The following TMEM161B variants were observed in gnomAD, a reference collection of about 807,000 sequenced individuals.
The protein encoded by TMEM161B is transmembrane protein 161B.
Under a neutral mutation model 61.8 loss-of-function variants are expected in TMEM161B, and 34 were observed. The observed-to-expected ratio is 0.55, with a 90% CI of 0.42 to 0.73. The LOEUF is 0.73. Among genes scored for constraint, TMEM161B ranks in the 30% least tolerant of loss-of-function variants. The pLI is 0.00. For missense variants in TMEM161B, 456 were observed against 558.5 expected (o/e 0.82, Z 1.85); for synonymous variants, 167 against 192.8 (o/e 0.87, Z 1.11).
In TMEM161B at chr5:88,241,390, A is replaced by G. The variant is rs114688613; in HGVS notation, c.4-474T>C. On this transcript the variant is annotated intron_variant, in intron 1 of 11. Transcript: ENST00000296595. ...TTAGGTATTCAAGATCACATAGTCT[A>G]ATATAAACTTAAAATGAATTAGTAT... 4.6e-3 allele frequency among the ~76,000 whole-genome samples: 696 copies of G among 151,990 alleles called. 10 individuals are homozygous for G. Among genetic ancestry groups the G allele is most frequent in the African/African-American group, 0.016 (670 of 41,508 alleles).
At chr5:88,217,268 T>C (rs575307822) in intron 5 of TMEM161B, among the ~76,000 whole-genome samples, 1 of 152,240 alleles carries the variant, frequency 6.6e-6, no homozygotes, top group East Asian at 1.9e-4. Context: ...AAAAAAAATT[T>C]TTTTAAAGAC....
At chr5:88,208,124 C>A (rs1158384360) in intron 5 of TMEM161B, among the ~76,000 whole-genome samples, 1 of 151,980 alleles carries the variant, frequency 6.6e-6, no homozygotes, top group African/African-American at 2.4e-5. Context: ...TCTAAGCCGG[C>A]GGATCACCTG....
At chr5:88,211,480 C>T (rs924372762) in intron 5 of TMEM161B, among the ~76,000 whole-genome samples, 68 of 151,592 alleles carry the variant, frequency 4.5e-4, no homozygotes, top group African/African-American at 1.5e-3. Flanking sequence ...TAAGACAAGA[C>T]CGGGCGTGGT....
At chr5:88,225,098 G>A (rs534923030) in intron 4 of TMEM161B, among the ~76,000 whole-genome samples, 1 of 151,230 alleles carries the variant, frequency 6.6e-6, no homozygotes, top group South Asian at 2.1e-4. Flanking sequence ...TCCCTGAGTA[G>A]CTGGGACTAC....
intron 1 of TMEM161B, among the ~76,000 whole-genome samples, chr5:88,255,664 T>C (rs1337781394): frequency 6.6e-6 from 1 of 152,248 alleles, no homozygotes; most frequent in East Asian, 1.9e-4. Flanking sequence ...ACAGAATTAA[T>C]TGGGTTTGTC....
At chr5:88,208,562 A>G (rs1282832025) in intron 5 of TMEM161B, among the ~76,000 whole-genome samples, 2 of 152,190 alleles carry the variant, frequency 1.3e-5, no homozygotes, top group African/African-American at 4.8e-5. Context: ...GAATCGCTTG[A>G]ACCTGGGAGG....
intron 5 of TMEM161B, among the ~76,000 whole-genome samples, chr5:88,209,606 T>C (rs1386064499): frequency 6.6e-6 from 1 of 152,174 alleles, no homozygotes; most frequent in African/African-American, 2.4e-5. Context: ...ACACCACAAA[T>C]GCCTAAAATG....
At chr5:88,222,150 C>T (rs941933409) in intron 4 of TMEM161B, among the ~76,000 whole-genome samples, 1 of 152,172 alleles carries the variant, frequency 6.6e-6, no homozygotes, top group African/African-American at 2.4e-5. Flanking sequence ...CTCACTGCAG[C>T]CTCAGCTTCT....
At chr5:88,256,924 C>T (rs759003238) in intron 1 of TMEM161B, among the ~76,000 whole-genome samples, 3 of 152,172 alleles carry the variant, frequency 2.0e-5, no homozygotes, top group Non-Finnish European at 4.4e-5. Context: ...GGAAGGAGTA[C>T]ATCTGTTTTT....
intron 11 of TMEM161B, among the ~76,000 whole-genome samples, chr5:88,197,184 C>T (rs543116890): frequency 6.8e-4 from 103 of 152,272 alleles, no homozygotes; most frequent in Non-Finnish European, 1.3e-3. Flanking sequence ...TTGAATAACA[C>T]CACCACATGG....
intron 5 of TMEM161B, among the ~76,000 whole-genome samples, chr5:88,208,461 GAC>G (rs895265330): frequency 2.7e-5 from 4 of 150,656 alleles, no homozygotes; most frequent in African/African-American, 9.8e-5. Flanking sequence ...CAGCCTGGGT[GAC>G]ACAGTGAGAC....
At chr5:88,248,658 T>G (rs1472607242) in intron 1 of TMEM161B, among the ~76,000 whole-genome samples, 2 of 145,168 alleles carry the variant, frequency 1.4e-5, no homozygotes, top group African/African-American at 5.1e-5. Context: ...CATGTGGGCA[T>G]CATGGGTAGT....
At chr5:88,192,630 C>G (rs1317134851), downstream of TMEM161B, among the ~76,000 whole-genome samples, 4 of 152,166 alleles carry the variant, frequency 2.6e-5, no homozygotes. Context: ...GTATTCGAGA[C>G]ACTGGGTTCA....
chr5:88,226,874 T>G (rs550763434), intron 3 of TMEM161B, among the ~76,000 whole-genome samples: 1 of 152,090 alleles, frequency 6.6e-6, no homozygotes, highest in African/African-American at 2.4e-5. Flanking sequence ...TCCAACACTT[T>G]GAGAGGCCAG....
At chr5:88,222,040 T>C (rs2112534783) in intron 4 of TMEM161B, among the ~76,000 whole-genome samples, 1 of 152,328 alleles carries the variant, frequency 6.6e-6, no homozygotes, top group Admixed American at 6.5e-5. Context: ...ATTTTTAAAT[T>C]TGCATCAAGT....
chr5:88,205,634 G>A, intron 8 of TMEM161B, 180 bp downstream of exon 8: 1 of 590,530 alleles, frequency 1.7e-6, no homozygotes, highest in Non-Finnish European at 2.7e-6. Flanking sequence ...TTAAATACAA[G>A]ACTTAAAATT....
chr5:88,202,841 T>C (rs1004274174), intron 9 of TMEM161B, 121 bp downstream of exon 9: 33 of 744,494 alleles, frequency 4.4e-5, no homozygotes, highest in Non-Finnish European at 6.4e-5. Context: ...TCTTTTAGCA[T>C]TCCTATTAAT....
chr5:88,189,828 G>C lies in TMEM161B; in HGVS notation c.*224C>G, dbSNP rs924792093. On this transcript the variant is annotated 3_prime_UTR_variant, in exon 13 of 13. Transcript: ENST00000514135. The stretch of plus-strand genomic sequence containing the variant: ...AATTTTAAATAATACCATAGGGAGA[G>C]CCTGTATCCATTTTAATCCTTTTTC... 6 of 527,144 alleles carry C rather than the reference G, an allele frequency of 1.1e-5. No individual in the cohort carries two copies. In the Admixed American group the frequency reaches 1.9e-4, roughly 17 times the overall value. The allele number at this position is 527,144 out of a possible 1,614,324, so 32.7% of individuals were successfully genotyped here. A position where few individuals can be genotyped will look rare whatever the true frequency, so the allele number is the denominator to read the frequency against.
At chr5:88,252,167 A>T (rs1754425350) in intron 1 of TMEM161B, among the ~76,000 whole-genome samples, 1 of 152,156 alleles carries the variant, frequency 6.6e-6, no homozygotes, top group Admixed American at 6.5e-5. Context: ...AAATCACAGA[A>T]AAGTAAAGAG....
Sources: allele counts gnomAD v4.1 joint callset (sites outside exome capture counted in the v4.1 genomes callset), GRCh38; gene constraint gnomAD v4.1.1; transcripts MANE v1.5; gene names NCBI Gene and HGNC (gene_info 2026-07-23, HGNC 2026-07-21).